Variants in PDE1A observed in about 807,000 individuals in gnomAD.
PDE1A encodes the protein dual specificity calcium/calmodulin-dependent 3',5'-cyclic nucleotide phosphodiesterase 1A.
In PDE1A, 35 loss-of-function variants were observed where a neutral mutation model predicts 61.7. The observed-to-expected ratio is 0.57, with a 90% CI of 0.43 to 0.75. The LOEUF (loss-of-function observed/expected upper bound fraction) is 0.75. Among genes scored for constraint, PDE1A ranks in the 30% least tolerant of loss-of-function variants. The pLI is 0.00. For missense variants in PDE1A, 597 were observed against 630.6 expected, an observed-to-expected ratio of 0.95 and a Z score of 0.57; for synonymous variants, 232 against 213.2, an observed-to-expected ratio of 1.09 and a Z score of -0.77.
At chr2:182,412,275 C>T (rs927509310) in intron 1 of PDE1A, among the ~76,000 whole-genome samples, 1 of 152,058 alleles carries the variant, frequency 6.6e-6, no homozygotes. Context: ...AGACAGCTAT[C>T]CAAATTTTTA....
In PDE1A at chr2:182,391,664, G is replaced by T. The variant is rs144309649; in HGVS notation, c.53+34914C>A. Among the ~76,000 whole-genome samples, 1,204 of 152,276 alleles carry T rather than the reference G, an allele frequency of 7.9e-3. 8 individuals are homozygous for T. Among genetic ancestry groups the T allele is most frequent in the South Asian group, 0.019 (91 of 4,820 alleles). On this transcript the variant is annotated intron_variant, in intron 1 of 13. Transcript: ENST00000351439. ...CAACTGGAAAACTTAAACACAATGG[G>T]AATAATTGGATCCTGAGGTGGCAGG...
chr2:182,540,384 A>AGC, the PDE1A span, among the ~76,000 whole-genome samples: 1,214 of 77,434 alleles, frequency 0.016, 13 homozygotes, highest in Middle Eastern at 0.069. Context: ...AAAAAAAAAA[A>AGC]AGCAGCAGCA....
At chr2:182,597,599 C>T in the PDE1A span, among the ~76,000 whole-genome samples, 2 of 152,104 alleles carry the variant, frequency 1.3e-5, no homozygotes, top group African/African-American at 2.4e-5. Context: ...TTCCACAATA[C>T]CCACCTCGTA....
At chr2:182,701,246 A>G in the PDE1A span, among the ~76,000 whole-genome samples, 119 of 151,948 alleles carry the variant, frequency 7.8e-4, no homozygotes, top group Non-Finnish European at 1.3e-3. Context: ...CGTGTTAGCC[A>G]GGATGGTCTC....
chr2:182,330,972 A>G (rs1697367166), intron 1 of PDE1A, among the ~76,000 whole-genome samples: 1 of 152,116 alleles, frequency 6.6e-6, no homozygotes, highest in African/African-American at 2.4e-5. Context: ...GTAAGTGGCT[A>G]GTTTCCAGAC....
intron 10 of PDE1A, among the ~76,000 whole-genome samples, chr2:182,199,574 A>AT (rs1686433556): frequency 6.6e-6 from 1 of 151,846 alleles, no homozygotes; most frequent in Admixed American, 6.6e-5. Context: ...GTATCTCTTT[A>AT]TTTTTCTGTT....
the PDE1A span, among the ~76,000 whole-genome samples, chr2:182,573,113 G>A: frequency 2.1e-4 from 32 of 152,060 alleles, no homozygotes; most frequent in East Asian, 1.2e-3. Context: ...GCTCTGCCTC[G>A]CACGTTATTC....
chr2:182,692,629 T>C, the PDE1A span, among the ~76,000 whole-genome samples: 13 of 150,694 alleles, frequency 8.6e-5, no homozygotes, highest in African/African-American at 2.9e-4. Flanking sequence ...GTAACAAACC[T>C]GGATGTTGTG....
chr2:182,359,987 T>C (rs994415041), intron 1 of PDE1A, among the ~76,000 whole-genome samples: 3 of 152,132 alleles, frequency 2.0e-5, no homozygotes. Flanking sequence ...GGAACCCAAA[T>C]ACCATGAAGA....
At chr2:182,300,644 T>C (rs1246962387) in intron 1 of PDE1A, among the ~76,000 whole-genome samples, 2 of 152,164 alleles carry the variant, frequency 1.3e-5, no homozygotes, top group African/African-American at 2.4e-5. Flanking sequence ...AAGATAACAA[T>C]GTCTAGAGAA....
At chr2:182,510,984 T>C (rs1689744706) in intron 2 of PDE1A, among the ~76,000 whole-genome samples, 1 of 152,162 alleles carries the variant, frequency 6.6e-6, no homozygotes, top group South Asian at 2.1e-4. Context: ...GAAAAGTACA[T>C]GAAAATATAT....
intron 1 of PDE1A, among the ~76,000 whole-genome samples, chr2:182,293,364 C>T (rs1694663704): frequency 6.6e-6 from 1 of 152,034 alleles, no homozygotes; most frequent in African/African-American, 2.4e-5. Context: ...TAAAAAAAAT[C>T]TTCAGAGAAC....
rs566046834 is a variant in PDE1A at position 182,494,877 on chromosome 2, C to T, written c.101+27399G>A. Among the ~76,000 whole-genome samples, 42 of 152,250 alleles carry T rather than the reference C, an allele frequency of 2.8e-4. 3 individuals carry two copies. The South Asian group carries it at 8.3e-3, about 30-fold the overall frequency. On this transcript the variant is annotated intron_variant, in intron 2 of 14. Transcript: ENST00000410103. ...TCCTTGTGTTGGTTCCTTCTAGATG[C>T]TGAATTTGTCTCTTGTGAGATTCCC...
At chr2:182,647,756 C>T in the PDE1A span, among the ~76,000 whole-genome samples, 1 of 152,168 alleles carries the variant, frequency 6.6e-6, no homozygotes, top group Non-Finnish European at 1.5e-5. Flanking sequence ...GAATCATTTA[C>T]TCCAGTTCAA....
downstream of PDE1A, among the ~76,000 whole-genome samples, chr2:182,146,741 C>T (rs906387246): frequency 3.3e-5 from 5 of 152,248 alleles, no homozygotes; most frequent in East Asian, 1.9e-4. Context: ...GCCTTGGCCT[C>T]GCAAAGTGCT....
the PDE1A span, among the ~76,000 whole-genome samples, chr2:182,653,764 C>A: frequency 6.6e-6 from 1 of 152,066 alleles, no homozygotes. Flanking sequence ...CACTAGTAGC[C>A]CACTCATCCT....
chr2:182,423,099 C>T (rs961409912), intron 1 of PDE1A, among the ~76,000 whole-genome samples: 9 of 152,210 alleles, frequency 5.9e-5, no homozygotes, highest in Middle Eastern at 3.4e-3. Flanking sequence ...CTCATTGATG[C>T]CACACTTCCA....
At chr2:182,576,729 T>C in the PDE1A span, among the ~76,000 whole-genome samples, 1 of 152,172 alleles carries the variant, frequency 6.6e-6, no homozygotes, top group East Asian at 1.9e-4. Context: ...CAAAATCTGT[T>C]ATTTTGTTTT....
the PDE1A span, among the ~76,000 whole-genome samples, chr2:182,569,220 T>G: frequency 6.7e-6 from 1 of 148,494 alleles, no homozygotes; most frequent in African/African-American, 2.5e-5. Flanking sequence ...GCCACTGCAC[T>G]TCAGCCTGAG....
Sources: allele counts gnomAD v4.1 joint callset (sites outside exome capture counted in the v4.1 genomes callset), GRCh38; gene constraint gnomAD v4.1.1; transcripts MANE v1.5; gene names NCBI Gene and HGNC (gene_info 2026-07-23, HGNC 2026-07-21).